PCDHGB6: variants seen among roughly 807,000 people sequenced by gnomAD.
PCDHGB6 encodes protocadherin gamma-B6.
Under a neutral mutation model 59.1 loss-of-function variants are expected in PCDHGB6, and 51 were observed. The observed-to-expected ratio is 0.86, with a 90% CI of 0.69 to 1.09. The LOEUF is 1.09. Among genes scored for constraint, PCDHGB6 ranks in the 50% least tolerant of loss-of-function variants. PCDHGB6 has a pLI of 0.00. For missense variants in PCDHGB6, 1,148 were observed against 1,205.1 expected (o/e 0.95, Z 0.70); for synonymous variants, 466 against 495.1 (o/e 0.94, Z 0.78).
chr5:141,426,085 C>T (rs1315114723), intron 1 of PCDHGB6, among the ~76,000 whole-genome samples: 7 of 152,148 alleles, frequency 4.6e-5, no homozygotes, highest in Non-Finnish European at 8.8e-5. Flanking sequence ...TCTACCAGGA[C>T]GATATTCTGT....
chr5:141,408,445 C>T lies in PCDHGB6; in HGVS notation c.243C>T (p.Ser81=), dbSNP rs759314379. 4 of 1,613,846 alleles carry T rather than the reference C, an allele frequency of 2.5e-6. No homozygotes were observed. Among genetic ancestry groups the T allele is most frequent in the Admixed American group, 1.7e-5 (1 of 60,008 alleles). ...TGCACTTCAGCGTAGACGCGGAGAG[C>T]GGGGACTTACTTGTGAAGAACCGAA... ...EKLHFSVDAE[S]GDLLVKNRID... is the part of the protein sequence containing the mutation. The change falls in exon 1 of 4, where the codon AGC becomes AGT. Residue 81 remains serine, a synonymous_variant. Coordinates refer to ENST00000520790, the MANE Select transcript of PCDHGB6 (RefSeq NM_018926.3).
At position 141,485,184 on chromosome 5, in the gene PCDHGB6, A is replaced by G. The variant is rs1415940980; in HGVS notation, c.2419-9623A>G. ...TAGCGGGCGGCAGCAATGCTCCGCA[A>G]GGTGAGAAGCTGGACAGAAATCTGG... On this transcript the variant is annotated intron_variant, in intron 1 of 3. Transcript: ENST00000520790. This position sits in a 1 kb window ranked among gnomAD's most constrained non-coding sequence, Gnocchi z 5.7. The G allele has an allele frequency of 6.2e-7, 1 of 1,613,152 alleles. No individual in the cohort carries two copies. The highest frequency in any genetic ancestry group is 1.3e-5 in the African/African-American group (1 of 74,938).
intron 1 of PCDHGB6, chr5:141,414,308 T>C: frequency 6.2e-7 from 1 of 1,613,764 alleles, no homozygotes; most frequent in Non-Finnish European, 8.5e-7. Context: ...GTGCATGATT[T>C]AGACTCTGAG....
At chr5:141,413,230 C>A in intron 1 of PCDHGB6, 1 of 1,613,942 alleles carries the variant, frequency 6.2e-7, no homozygotes. Context: ...CGGGCTGGTC[C>A]TGCTCTGCCT....
In PCDHGB6 at chr5:141,421,516, T is replaced by G. The variant is rs199973694; in HGVS notation, c.2418+10896T>G. On this transcript the variant is annotated intron_variant, in intron 1 of 3. Transcript: ENST00000520790. Reference sequence around the variant, plus strand: ...AGGCAGGATAGACCGGGAGGAGCTCTGTGAGACGGTGTCCTCCTGTTTTTT... The same window carrying G: ...AGGCAGGATAGACCGGGAGGAGCTCGGTGAGACGGTGTCCTCCTGTTTTTT... 1.4e-5 allele frequency: 22 copies of G among 1,614,064 alleles called. No homozygotes were observed. The East Asian group carries it at 4.9e-4, about 36-fold the overall frequency.
At position 141,490,632 on chromosome 5, in the gene PCDHGB6, A is replaced by C; in HGVS notation, c.2419-4175A>C. Reference sequence around the variant, plus strand: ...AGCAGCTTTACACTGCTTACATCCTAGAAAACCGGCCTCCGGGCTCCCTTC... The same window carrying C: ...AGCAGCTTTACACTGCTTACATCCTCGAAAACCGGCCTCCGGGCTCCCTTC... On this transcript the variant is annotated intron_variant, in intron 1 of 3. Transcript: ENST00000520790. This position sits in a 1 kb window ranked among gnomAD's most constrained non-coding sequence, Gnocchi z 5.4. The C allele has an allele frequency of 1.2e-6, 2 of 1,614,196 alleles. No individual in the cohort carries two copies. Among genetic ancestry groups the C allele is most frequent in the South Asian group, 1.1e-5 (1 of 91,088 alleles).
intron 1 of PCDHGB6, among the ~76,000 whole-genome samples, chr5:141,437,236 C>A (rs2154557405): frequency 6.6e-6 from 1 of 152,278 alleles, no homozygotes; most frequent in South Asian, 2.1e-4. Context: ...AAAATTATGT[C>A]AAGGACTTTC....
chr5:141,430,939 G>A, intron 1 of PCDHGB6: 1 of 1,607,854 alleles, frequency 6.2e-7, no homozygotes, highest in South Asian at 1.1e-5. Flanking sequence ...GGGAGCTCGC[G>A]GAGCGCGGAG....
At chr5:141,481,943 G>C (rs1454871018) in intron 1 of PCDHGB6, among the ~76,000 whole-genome samples, 1 of 148,544 alleles carries the variant, frequency 6.7e-6, no homozygotes, top group South Asian at 2.1e-4. Context: ...AAATCAGCCA[G>C]ATGTGGTGGC....
At chr5:141,445,508 T>C (rs2098468947) in intron 1 of PCDHGB6, among the ~76,000 whole-genome samples, 1 of 152,200 alleles carries the variant, frequency 6.6e-6, no homozygotes, top group Non-Finnish European at 1.5e-5. Context: ...TAATACATGA[T>C]ATTTTACAGG....
In PCDHGB6 at chr5:141,494,849, A is replaced by C; in HGVS notation, c.2461A>C (p.Arg821=). ...NTDWRFSQAQ[R]PGTSGSQNGD... ...GGACTGGCGTTTCTCTCAGGCCCAG[A>C]GACCCGGCACCAGCGGGTAGGTGAC... Residue 821 remains arginine, a synonymous_variant, in exon 2 of 4, where the codon AGA becomes CGA. Transcript: ENST00000520790. 1 of 1,614,102 alleles carries C rather than the reference A, an allele frequency of 6.2e-7. No individual in the cohort carries two copies. Among genetic ancestry groups the C allele is most frequent in the Non-Finnish European group, 8.5e-7 (1 of 1,180,014 alleles).
At chr5:141,413,364 G>A (rs759265336) in intron 1 of PCDHGB6, 14 of 1,613,870 alleles carry the variant, frequency 8.7e-6, no homozygotes, top group African/African-American at 5.3e-5. Flanking sequence ...CCCGGGAGCT[G>A]GCGGAGCGCG....
chr5:141,473,647 C>T (rs2099326149), intron 1 of PCDHGB6, among the ~76,000 whole-genome samples: 1 of 152,172 alleles, frequency 6.6e-6, no homozygotes, highest in Non-Finnish European at 1.5e-5. Flanking sequence ...GGCAAAGGAA[C>T]AATTTGTGTG....
chr5:141,416,458 G>A (rs1391820726), intron 1 of PCDHGB6: 1 of 152,194 alleles, frequency 6.6e-6, no homozygotes, highest in Non-Finnish European at 1.5e-5. Flanking sequence ...TGGGAAGACA[G>A]ATAAATTTGT....
intron 1 of PCDHGB6, among the ~76,000 whole-genome samples, chr5:141,458,101 G>C (rs530847477): frequency 3.3e-5 from 5 of 152,200 alleles, no homozygotes; most frequent in Non-Finnish European, 7.4e-5. Flanking sequence ...AGTACTTACA[G>C]ATAGTCTCCA....
Position 141,410,366 on chromosome 5 carries a change from G to A in PCDHGB6, c.2164G>A (p.Ala722Thr), listed in dbSNP as rs3749767. 379,797 of 1,613,758 alleles carry A rather than the reference G, an allele frequency of 0.24. 48,670 individuals are homozygous for A. The highest frequency in any genetic ancestry group is 0.5 in the African/African-American group (37,787 of 74,932). ...GCGCCTGCGACGCTCTCTCAGCCCT[G>A]CTACTTGGGACTGCTTCCATCCTGG... ...ALRLRRSLSP[A>T]TWDCFHPGLC... is the part of the protein sequence containing the mutation. Residue 722 changes from alanine to threonine, a missense_variant, in exon 1 of 4, where the codon GCT (alanine) becomes ACT (threonine). By Grantham distance (58) the Ala-to-Thr change is moderately conservative. Around this residue, in one of 5 missense-constraint regions of PCDHGB6, gnomAD observed 283 missense variants for 318.6 expected, o/e 0.89. Transcript: ENST00000520790.
rs1156915249 is a variant in PCDHGB6, at chr5:141,426,840, G to C, written c.2418+16220G>C. 8.8e-6 allele frequency: 4 copies of C among 456,584 alleles called. No individual in the cohort carries two copies. In the East Asian group the frequency reaches 2.8e-4, roughly 32 times the overall value. The allele number at this position is 456,584 out of a possible 1,614,324, so 28.3% of individuals were successfully genotyped here. A position where few individuals can be genotyped will look rare whatever the true frequency, so the allele number is the denominator to read the frequency against. On this transcript the variant is annotated intron_variant, in intron 1 of 3. Transcript: ENST00000520790. Reference sequence around the variant, plus strand: ...CTCTCTGATGATGGACAAGACTAAAGGCAAGAACGCTCCAGAATTAGTGCT... The same window carrying C: ...CTCTCTGATGATGGACAAGACTAAACGCAAGAACGCTCCAGAATTAGTGCT...
Position 141,477,575 on chromosome 5 carries a change from C to T in PCDHGB6, c.2419-17232C>T. The T allele has an allele frequency of 6.2e-7, 1 of 1,614,176 alleles. No individual in the cohort carries two copies. The highest frequency in any genetic ancestry group is 8.5e-7 in the Non-Finnish European group (1 of 1,180,030). On this transcript the variant is annotated intron_variant, in intron 1 of 3. Coordinates refer to ENST00000520790, the MANE Select transcript of PCDHGB6 (RefSeq NM_018926.3). This position sits in a 1 kb window ranked among gnomAD's most constrained non-coding sequence, Gnocchi z 4.9. ...CCTAAGTGTCTGGGACCCCGACGCC[C>T]CGCAGAATGCTCGGCTTTCTTTCTT... is the stretch of plus-strand genomic sequence containing the variant.
chr5:141,420,465 A>G, intron 1 of PCDHGB6: 1 of 807,604 alleles, frequency 1.2e-6, no homozygotes. Context: ...ATTCAAAGAC[A>G]TTTTAAAGCA....
Sources: gnomAD v4.1 joint callset for allele counts (sites outside exome capture counted in the v4.1 genomes callset) on GRCh38, gnomAD v4.1.1 for gene constraint, gnomAD v4.1.1 regional missense constraint, Gnocchi (gnomAD v3.1) non-coding constraint, MANE v1.5 for transcripts, NCBI Gene and HGNC (gene_info 2026-07-23, HGNC 2026-07-21) for gene names.